Variants in ZDHHC15 observed in about 807,000 individuals in gnomAD.
ZDHHC15 encodes the protein palmitoyltransferase ZDHHC15.
Under a neutral mutation model 31.7 loss-of-function variants are expected in ZDHHC15, and 19 were observed. The observed-to-expected ratio is 0.60, with a 90% CI of 0.42 to 0.88. The LOEUF (loss-of-function observed/expected upper bound fraction) is 0.88. ZDHHC15 is among the 40% of genes least tolerant of loss of function. ZDHHC15 has a pLI of 0.00. For synonymous variants in ZDHHC15, 103 were observed against 90.0 expected (o/e 1.14, Z -0.82); for missense variants, 209 against 251.2 (o/e 0.83, Z 1.14).
At chrX:75,414,398 C>T (rs1243782450) in intron 10 of ZDHHC15, among the ~76,000 whole-genome samples, 2 of 104,684 alleles carry the variant, frequency 1.9e-5, no homozygotes, top group African/African-American at 6.9e-5. Context: ...ATATTTGTAC[C>T]TAACAGGTTA....
At chrX:75,495,461 G>T (rs1188299716) in intron 2 of ZDHHC15, among the ~76,000 whole-genome samples, 1 of 110,932 alleles carries the variant, frequency 9.0e-6, no homozygotes, top group African/African-American at 3.3e-5. Flanking sequence ...AAATCATGCT[G>T]CTATAAAGAC....
chrX:75,414,504 A>G (rs894129446), intron 10 of ZDHHC15, among the ~76,000 whole-genome samples: 33 of 91,739 alleles, frequency 3.6e-4, no homozygotes, highest in African/African-American at 1.3e-3. Flanking sequence ...ATCTCGGCTC[A>G]CTGCAAGCTC....
At chrX:75,491,985 A>T (rs1281274816) in intron 2 of ZDHHC15, among the ~76,000 whole-genome samples, 2 of 111,801 alleles carry the variant, frequency 1.8e-5, no homozygotes, top group Non-Finnish European at 3.8e-5. Flanking sequence ...CAATTAAAAG[A>T]CACAGACTGG....
chrX:75,405,115 A>T (rs776337350), intron 10 of ZDHHC15, among the ~76,000 whole-genome samples: 2 of 111,990 alleles, frequency 1.8e-5, no homozygotes, highest in South Asian at 7.5e-4. Context: ...TCCTTAGCAA[A>T]CTAACTGAGG....
intron 10 of ZDHHC15, among the ~76,000 whole-genome samples, chrX:75,382,124 G>A (rs2083121065): frequency 8.9e-6 from 1 of 112,165 alleles, no homozygotes. Context: ...AGCACACCAA[G>A]TCTTGTGTTA....
At chrX:75,458,514 TA>T (rs1408623548) in intron 3 of ZDHHC15, among the ~76,000 whole-genome samples, 1 of 111,830 alleles carries the variant, frequency 8.9e-6, no homozygotes, top group Non-Finnish European at 1.9e-5. Context: ...TGAGATAATT[TA>T]AATATATCTA....
At chrX:75,473,580 G>C (rs2084539174) in intron 3 of ZDHHC15, among the ~76,000 whole-genome samples, 1 of 111,143 alleles carries the variant, frequency 9.0e-6, no homozygotes, top group Admixed American at 9.6e-5. Context: ...GCTAAGAATG[G>C]AGTTATAGTG....
chrX:75,518,072 C>T (rs2085388551), intron 1 of ZDHHC15, among the ~76,000 whole-genome samples: 1 of 111,385 alleles, frequency 9.0e-6, no homozygotes, highest in African/African-American at 3.3e-5. Flanking sequence ...TCTTTATGCT[C>T]TTGCATTTGG....
At chrX:75,503,700 TAG>T (rs1320888442) in intron 2 of ZDHHC15, among the ~76,000 whole-genome samples, 1 of 111,503 alleles carries the variant, frequency 9.0e-6, no homozygotes, top group East Asian at 2.8e-4. Flanking sequence ...AACAGTGCAT[TAG>T]AGAGTGAAAT....
chrX:75,472,890 G>A (rs918919146), intron 3 of ZDHHC15, among the ~76,000 whole-genome samples: 2 of 112,202 alleles, frequency 1.8e-5, no homozygotes, highest in African/African-American at 6.5e-5. Context: ...ATTTCTTGGG[G>A]TGATCAGCCA....
intron 1 of ZDHHC15, among the ~76,000 whole-genome samples, chrX:75,510,161 T>C (rs926251565): frequency 3.6e-5 from 4 of 111,991 alleles, no homozygotes. Flanking sequence ...ACCTGGATGA[T>C]CGTAATACTT....
rs749978724 is a variant in ZDHHC15, at chrX:75,522,908, G to A, written c.117C>T (p.Tyr39=). 3 of 1,211,682 alleles carry A rather than the reference G, an allele frequency of 2.5e-6. No individual in the cohort carries two copies. The highest frequency in any genetic ancestry group is 3.4e-6 in the Non-Finnish European group (3 of 895,443). Residue 39 remains tyrosine, a synonymous_variant, in exon 1 of 12, where the codon TAC becomes TAT. Coordinates refer to ENST00000373367, the MANE Select transcript of ZDHHC15 (RefSeq NM_144969.3). The stretch of plus-strand genomic sequence containing the variant: ...ACTTACCCAGGCAGAGTTCAAAGAC[G>A]TAGGCATAGTAGGACCAGAGCACGA... ...VLVVLWSYYA[Y]VFELCLVTVL... is the part of the protein sequence containing the mutation.
chrX:75,496,134 T>G (rs894164456), intron 2 of ZDHHC15, among the ~76,000 whole-genome samples: 4 of 110,723 alleles, frequency 3.6e-5, no homozygotes, highest in Admixed American at 2.9e-4. Flanking sequence ...TGGACTCACA[T>G]AAACTTAAGG....
chrX:75,509,372 G>A (rs2085222711), intron 1 of ZDHHC15, among the ~76,000 whole-genome samples: 2 of 111,716 alleles, frequency 1.8e-5, no homozygotes, highest in East Asian at 5.6e-4. Flanking sequence ...GAATGCTGGT[G>A]TATATTTTAT....
intron 4 of ZDHHC15, among the ~76,000 whole-genome samples, chrX:75,444,442 G>A (rs1160960293): frequency 1.2e-5 from 1 of 85,360 alleles, no homozygotes; most frequent in Non-Finnish European, 2.2e-5. Flanking sequence ...CACAGGAAGG[G>A]GAACATCACA....
In ZDHHC15 at chrX:75,383,734, G is replaced by GTTTTTTTTTTTTT. The variant is rs541238663; in HGVS notation, c.968-4537_968-4536insAAAAAAAAAAAAA. ...ACTACCCCAAATTTAAGAAATGTTAGGTTTTTTTTTTTTTTTTTTTTTGAG... is the reference window on the plus strand; with the variant it reads ...ACTACCCCAAATTTAAGAAATGTTAGTTTTTTTTTTTTTGTTTTTTTTTTTTTTTTTTTTTGAG... On this transcript the variant is annotated intron_variant, in intron 10 of 11. Coordinates refer to ENST00000373367, the MANE Select transcript of ZDHHC15 (RefSeq NM_144969.3). Among the ~76,000 whole-genome samples, 8 of 77,793 alleles carry GTTTTTTTTTTTTT rather than the reference G, an allele frequency of 1.0e-4. 4 individuals carry two copies. Among genetic ancestry groups the GTTTTTTTTTTTTT allele is most frequent in the Non-Finnish European group, 1.9e-4 (8 of 41,880 alleles). 67.6% of individuals were successfully genotyped at this position (77,793 alleles called of 115,157 possible). A position where few individuals can be genotyped will look rare whatever the true frequency, so the allele number is the denominator to read the frequency against.
chrX:75,453,991 C>T (rs185499975), intron 3 of ZDHHC15, among the ~76,000 whole-genome samples: 19 of 111,617 alleles, frequency 1.7e-4, no homozygotes, highest in Admixed American at 4.8e-4. Flanking sequence ...GACAGGGATG[C>T]CCTCTCTCAC....
intron 1 of ZDHHC15, among the ~76,000 whole-genome samples, chrX:75,510,023 T>C (rs1015790777): frequency 1.8e-5 from 2 of 111,671 alleles, no homozygotes; most frequent in African/African-American, 6.5e-5. Context: ...GAGTTTGATA[T>C]AGGGAACTGA....
intron 2 of ZDHHC15, among the ~76,000 whole-genome samples, chrX:75,486,216 C>G (rs145239384): frequency 2.1e-4 from 24 of 111,846 alleles, no homozygotes; most frequent in African/African-American, 7.8e-4. Flanking sequence ...TTACGTAGAG[C>G]TGAAATGGAT....
Sources: gnomAD v4.1 joint callset for allele counts (sites outside exome capture counted in the v4.1 genomes callset) on GRCh38, gnomAD v4.1.1 for gene constraint, MANE v1.5 for transcripts, NCBI Gene and HGNC (gene_info 2026-07-23, HGNC 2026-07-21) for gene names.